Variants in RUNDC3B observed in about 807,000 individuals in gnomAD.
RUNDC3B encodes the protein RUN domain containing 3B.
RUNDC3B carries 33 observed loss-of-function variants against 58.4 expected under a neutral mutation model. The observed-to-expected ratio is 0.56, with a 90% confidence interval of 0.43 to 0.75. The LOEUF is 0.75. RUNDC3B is among the 30% of genes least tolerant of loss of function. RUNDC3B has a pLI of 0.00. For synonymous variants in RUNDC3B, 193 were observed against 195.2 expected, an observed-to-expected ratio of 0.99 and a Z score of 0.10; for missense variants, 501 against 535.7, an observed-to-expected ratio of 0.94 and a Z score of 0.64.
At chr7:87,690,582 A>G (rs1326612725) in intron 2 of RUNDC3B, among the ~76,000 whole-genome samples, 5 of 152,176 alleles carry the variant, frequency 3.3e-5, no homozygotes, top group Non-Finnish European at 5.9e-5. Flanking sequence ...AAAAGATGAA[A>G]AATGCTGTAT....
At chr7:87,791,363 G>A (rs897760601) in intron 8 of RUNDC3B, among the ~76,000 whole-genome samples, 2 of 152,110 alleles carry the variant, frequency 1.3e-5, no homozygotes, top group African/African-American at 4.8e-5. Flanking sequence ...TGAAAAGGAT[G>A]TTAATGAGTA....
At position 87,689,524 on chromosome 7, in the gene RUNDC3B, TTAGC is replaced by T. The variant is rs28381737; in HGVS notation, c.239-10894_239-10891del. Among the ~76,000 whole-genome samples, 435 of 152,286 alleles carry T rather than the reference TTAGC, an allele frequency of 2.9e-3. 1 individual carries two copies. Among genetic ancestry groups the T allele is most frequent in the African/African-American group, 0.01 (416 of 41,574 alleles). Reference sequence around the variant, plus strand: ...TTTACTTTATTGTGCTAATATTACTTTAGCTAATATTGCTAAATTACTAATTAGC... The same window carrying T: ...TTTACTTTATTGTGCTAATATTACTTTAATATTGCTAAATTACTAATTAGC... On this transcript the variant is annotated intron_variant, in intron 2 of 10. Transcript: ENST00000394654.
rs142217277 is a variant in RUNDC3B at position 87,786,864 on chromosome 7, C to G, written c.956+8909C>G. Among the ~76,000 whole-genome samples the G allele has an allele frequency of 5.3e-4, 81 of 152,156 alleles. 1 individual carries two copies. Among genetic ancestry groups the G allele is most frequent in the African/African-American group, 1.8e-3 (74 of 41,512 alleles). On this transcript the variant is annotated intron_variant, in intron 8 of 10. Coordinates refer to ENST00000394654, the MANE Select transcript of RUNDC3B (RefSeq NM_001134405.2). Reference sequence around the variant, plus strand: ...TTCTGGATGTAGGAGTGCCATTGATCCTCTTGATTTTTGCAAAGGAAGCTT... The same window carrying G: ...TTCTGGATGTAGGAGTGCCATTGATGCTCTTGATTTTTGCAAAGGAAGCTT...
rs1029026965 is a variant in RUNDC3B at position 87,637,306 on chromosome 7, G to A, written c.122+8361G>A. Among the ~76,000 whole-genome samples, 14 of 152,166 alleles carry A rather than the reference G, an allele frequency of 9.2e-5. 1 individual carries two copies. Among genetic ancestry groups the A allele is most frequent in the Middle Eastern group, 3.4e-3 (1 of 294 alleles). On this transcript the variant is annotated intron_variant, in intron 1 of 10. Coordinates refer to ENST00000394654, the MANE Select transcript of RUNDC3B (RefSeq NM_001134405.2). ...TATTTGTCTCTCCTGAGCTAATATCGTACTAAATTAATACCTATAACTTTA... is the reference window on the plus strand; with the variant it reads ...TATTTGTCTCTCCTGAGCTAATATCATACTAAATTAATACCTATAACTTTA...
chr7:87,780,931 C>T (rs143774360), intron 8 of RUNDC3B, among the ~76,000 whole-genome samples: 1 of 152,042 alleles, frequency 6.6e-6, no homozygotes, highest in Non-Finnish European at 1.5e-5. Flanking sequence ...ACGCCTCCAG[C>T]TTTGTTATTT....
intron 4 of RUNDC3B, among the ~76,000 whole-genome samples, chr7:87,718,167 G>A (rs558153880): frequency 2.5e-4 from 38 of 152,068 alleles, no homozygotes; most frequent in Non-Finnish European, 3.8e-4. Flanking sequence ...AGGCATATGC[G>A]GCAATGTCCA....
intron 1 of RUNDC3B, among the ~76,000 whole-genome samples, chr7:87,644,332 T>A (rs887878898): frequency 1.3e-5 from 2 of 152,244 alleles, no homozygotes; most frequent in Non-Finnish European, 2.9e-5. Context: ...GCCATCTCCT[T>A]GTTGATCATT....
intron 4 of RUNDC3B, among the ~76,000 whole-genome samples, chr7:87,716,497 C>T (rs1174394930): frequency 6.6e-6 from 1 of 152,256 alleles, no homozygotes; most frequent in East Asian, 1.9e-4. Flanking sequence ...CATTTTTAGA[C>T]CAATTTATCT....
intron 7 of RUNDC3B, among the ~76,000 whole-genome samples, chr7:87,773,974 G>A (rs749882634): frequency 2.6e-5 from 4 of 151,890 alleles, no homozygotes; most frequent in East Asian, 1.9e-4. Context: ...CACCGCACCC[G>A]GCCAATCTTT....
chr7:87,821,671 T>C (rs1837447497), intron 10 of RUNDC3B, among the ~76,000 whole-genome samples: 1 of 152,214 alleles, frequency 6.6e-6, no homozygotes, highest in African/African-American at 2.4e-5. Context: ...CAAAACAGCA[T>C]GGTACTGGTA....
At chr7:87,634,582 T>C (rs955133157) in intron 1 of RUNDC3B, among the ~76,000 whole-genome samples, 2 of 150,966 alleles carry the variant, frequency 1.3e-5, no homozygotes, top group African/African-American at 4.9e-5. Flanking sequence ...GAGCCGAGAT[T>C]CACTACTTCA....
intron 2 of RUNDC3B, among the ~76,000 whole-genome samples, chr7:87,681,059 T>C (rs1272870858): frequency 6.6e-6 from 1 of 150,528 alleles, no homozygotes; most frequent in African/African-American, 2.5e-5. Context: ...CTACAGACCT[T>C]ACATTCAAAG....
chr7:87,767,296 A>G lies in RUNDC3B; in HGVS notation c.630-3285A>G, dbSNP rs1008116342. The stretch of plus-strand genomic sequence containing the variant: ...ACTAGTGTAATCCTTTGGAGATGTC[A>G]AAACACTCTATCCTTTTGTGCTGCC... On this transcript the variant is annotated intron_variant, in intron 6 of 10. Transcript: ENST00000394654. 3.3e-5 allele frequency among the ~76,000 whole-genome samples: 5 copies of G among 152,318 alleles called. No individual in the cohort carries two copies. In the East Asian group the frequency reaches 9.6e-4, roughly 29 times the overall value.
intron 2 of RUNDC3B, among the ~76,000 whole-genome samples, chr7:87,664,064 A>G (rs1824986185): frequency 6.6e-6 from 1 of 152,152 alleles, no homozygotes; most frequent in Non-Finnish European, 1.5e-5. Context: ...TACAGCATTT[A>G]TCAATGTGTT....
At chr7:87,816,285 G>T in intron 10 of RUNDC3B, 23 bp downstream of exon 10, 2 of 1,591,782 alleles carry the variant, frequency 1.3e-6, no homozygotes, top group Non-Finnish European at 1.7e-6. Context: ...AGAACTATTT[G>T]AAAATTACTC....
chr7:87,748,450 C>T (rs1384767136), intron 6 of RUNDC3B, among the ~76,000 whole-genome samples: 1 of 152,192 alleles, frequency 6.6e-6, no homozygotes, highest in East Asian at 1.9e-4. Flanking sequence ...ACAATGCAAG[C>T]CTCCGCAGGC....
intron 6 of RUNDC3B, among the ~76,000 whole-genome samples, chr7:87,770,264 G>A (rs1415542143): frequency 6.6e-6 from 1 of 152,038 alleles, no homozygotes; most frequent in Non-Finnish European, 1.5e-5. Context: ...AGCGCATCTA[G>A]AGTTTCTGTT....
chr7:87,820,218 C>A, intron 10 of RUNDC3B, among the ~76,000 whole-genome samples: 1 of 152,184 alleles, frequency 6.6e-6, no homozygotes, highest in Non-Finnish European at 1.5e-5. Context: ...CACCACCGAT[C>A]TCACAGAAAT....
chr7:87,732,793 C>G (rs1831665794), intron 4 of RUNDC3B, among the ~76,000 whole-genome samples: 1 of 152,178 alleles, frequency 6.6e-6, no homozygotes, highest in Non-Finnish European at 1.5e-5. Context: ...TGAAGTAATT[C>G]TTTAACATAA....
Sources: gnomAD v4.1 joint callset for allele counts (sites outside exome capture counted in the v4.1 genomes callset) on GRCh38, gnomAD v4.1.1 for gene constraint, MANE v1.5 for transcripts, NCBI Gene and HGNC (gene_info 2026-07-23, HGNC 2026-07-21) for gene names.